Variants in ADAMTS13 observed in about 807,000 individuals in gnomAD.
ADAMTS13 encodes the protein ADAM metallopeptidase with thrombospondin type 1 motif 13.
ADAMTS13 carries 110 observed loss-of-function variants against 155.1 expected under a neutral mutation model. The ratio of observed to expected loss-of-function variants is 0.71; its 90% CI spans 0.61 to 0.83. The LOEUF (loss-of-function observed/expected upper bound fraction) is 0.83, where lower values mean the gene tolerates loss of function less well. Among genes scored for constraint, ADAMTS13 ranks in the 40% least tolerant of loss-of-function variants. The probability of loss-of-function intolerance (pLI) is 0.00; values close to 1 mark genes in which losing one functional copy is unlikely to be tolerated. For missense variants in ADAMTS13, 1,707 were observed against 1,891.7 expected (o/e 0.90, Z 1.81); for synonymous variants, 758 against 756.4 (o/e 1.00, Z -0.03).
chr9:133,426,686 A>G (rs367629349), intron 6 of ADAMTS13, among the ~76,000 whole-genome samples: 2 of 152,192 alleles, frequency 1.3e-5, no homozygotes, highest in East Asian at 1.9e-4. Context: ...TCTTTTCTTT[A>G]CATACACACA....
Position 133,433,654 on chromosome 9 carries a change from GGGC to G in ADAMTS13, c.1260_1262del (p.Arg421del). 6 of 1,613,980 alleles carry G rather than the reference GGGC, an allele frequency of 3.7e-6. No individual in the cohort carries two copies. Among genetic ancestry groups the G allele is most frequent in the Non-Finnish European group, 5.1e-6 (6 of 1,179,990 alleles). On this transcript the variant is annotated inframe_deletion, in exon 11 of 29. Coordinates refer to ENST00000355699, the MANE Select transcript of ADAMTS13 (RefSeq NM_139027.6). ...GGGCATTTTCAGACCTGCCTTTGGG[GGGC>G]GTGCATGTGTTGGTGCTGACCTCCA...
chr9:133,455,573 C>T (rs1554795614), intron 25 of ADAMTS13, 138 bp downstream of exon 25: 1 of 1,606,318 alleles, frequency 6.2e-7, no homozygotes, highest in African/African-American at 1.3e-5. Flanking sequence ...GCGGCTCCTG[C>T]CCGGGCCCCA....
chr9:133,454,676 C>T (rs1452173088), intron 24 of ADAMTS13, 57 bp downstream of exon 24: 1 of 1,534,038 alleles, frequency 6.5e-7, no homozygotes, highest in African/African-American at 1.4e-5. Flanking sequence ...TCAGCTGTGG[C>T]TCCTCATGTG....
At position 133,455,007 on chromosome 9, in the gene ADAMTS13, G is replaced by T. The variant is rs36222581; in HGVS notation, c.3250-278G>T. Among the ~76,000 whole-genome samples the T allele has an allele frequency of 2.4e-3, 373 of 152,272 alleles. 1 individual carries two copies. The highest frequency in any genetic ancestry group is 8.4e-3 in the African/African-American group (350 of 41,548). ...ATAGGGGCACAGCAGACAGAGATGAGCCGCAGCCCCGCAGACCTGCTTGCT... is the reference window on the plus strand; with the variant it reads ...ATAGGGGCACAGCAGACAGAGATGATCCGCAGCCCCGCAGACCTGCTTGCT... On this transcript the variant is annotated intron_variant, in intron 24 of 28. Coordinates refer to ENST00000355699, the MANE Select transcript of ADAMTS13 (RefSeq NM_139027.6).
chr9:133,455,499 C>A (rs781930177), intron 25 of ADAMTS13, 64 bp downstream of exon 25: 1 of 1,612,208 alleles, frequency 6.2e-7, no homozygotes, highest in African/African-American at 1.3e-5. Context: ...GCCACCCCTG[C>A]TGGTGCCTCC....
intron 7 of ADAMTS13, 189 bp from the exon 8 acceptor site, chr9:133,429,750 G>A (rs1337462628): frequency 8.7e-6 from 7 of 802,868 alleles, no homozygotes; most frequent in East Asian, 8.0e-5. Flanking sequence ...CTCTGCGCCG[G>A]CAGGAGCCTT....
chr9:133,414,473 G>A, exon 1 of ADAMTS13: 2 of 709,044 alleles, frequency 2.8e-6, no homozygotes, highest in Non-Finnish European at 5.1e-6. Flanking sequence ...TCAACGCTCG[G>A]AAGAAGCAGG....
chr9:133,426,215 C>G lies in ADAMTS13; in HGVS notation c.556C>G (p.Pro186Ala). 1 of 1,613,902 alleles carries G rather than the reference C, an allele frequency of 6.2e-7. No individual in the cohort carries two copies. Among genetic ancestry groups the G allele is most frequent in the Non-Finnish European group, 8.5e-7 (1 of 1,180,000 alleles). ...LYITRFDLEL[P>A]DGNRQVRGVT... ...CTCACCGAGGTTTGACCTGGAGTTG[C>G]CTGATGGTAACCGGCAGGTGCGGGG... The change falls in exon 6 of 29, where the codon CCT becomes GCT. Residue 186 changes from proline (P) to alanine (A), a missense_variant. Pro to Ala is a conservative substitution (Grantham distance 27). Transcript: ENST00000355699.
intron 6 of ADAMTS13, among the ~76,000 whole-genome samples, chr9:133,427,462 C>T (rs1840359196): frequency 6.6e-6 from 1 of 152,230 alleles, no homozygotes. Flanking sequence ...CACCCGACCC[C>T]TTTCAACCCC....
rs1588152867 is a variant in ADAMTS13 at position 133,425,639 on chromosome 9, A to G, written c.414+27A>G. The G allele has an allele frequency of 6.2e-7, 1 of 1,609,106 alleles. No individual in the cohort carries two copies. ...TAGGCATGGAGCTGGAACTCAGCACACCATACAGAGCGGGAAGCCCAAGTC... is the reference window on the plus strand; with the variant it reads ...TAGGCATGGAGCTGGAACTCAGCACGCCATACAGAGCGGGAAGCCCAAGTC... On this transcript the variant is annotated intron_variant, in intron 4 of 28. Transcript: ENST00000355699. The surrounding 1 kb of genome is among the most constrained non-coding windows in gnomAD (Gnocchi z 4.6).
chr9:133,443,430 G>A lies in ADAMTS13; in HGVS notation c.2289G>A (p.Arg763=), dbSNP rs1282802400. The A allele has an allele frequency of 6.3e-7, 1 of 1,596,486 alleles. No individual in the cohort carries two copies. Among genetic ancestry groups the A allele is most frequent in the Non-Finnish European group, 8.5e-7 (1 of 1,176,750 alleles). Residue 763 remains arginine, a synonymous_variant, in exon 19 of 29, where the codon CGG becomes CGA. Coordinates refer to ENST00000355699, the MANE Select transcript of ADAMTS13 (RefSeq NM_139027.6). ...GCGCCTCCTGTGGGGGTGGCCTGCG[G>A]GAGCGGCCAGTGCGCTGCGTGGAGG... is the stretch of plus-strand genomic sequence containing the variant. ...PCSASCGGGL[R]ERPVRCVEAQ... is the part of the protein sequence containing the mutation.
intron 11 of ADAMTS13, among the ~76,000 whole-genome samples, chr9:133,436,612 C>T (rs886461754): frequency 6.6e-6 from 1 of 152,154 alleles, no homozygotes; most frequent in Non-Finnish European, 1.5e-5. Context: ...CGTTGCTGCC[C>T]TGTGTTCTTT....
intron 25 of ADAMTS13, 119 bp downstream of exon 25, chr9:133,455,554 C>T: frequency 6.2e-7 from 1 of 1,609,154 alleles, no homozygotes; most frequent in African/African-American, 1.3e-5. Context: ...CCCCGGCTCC[C>T]CAGCCTCGGC....
chr9:133,449,961 C>A lies in ADAMTS13; in HGVS notation c.3040C>A (p.Pro1014Thr), dbSNP rs1554793923. The change falls in exon 23 of 29, where the codon CCT becomes ACT. Residue 1014 changes from proline (P) to threonine (T), a missense_variant. Pro to Thr is a conservative substitution (Grantham distance 38). This residue lies in a region of ADAMTS13 where 961 missense variants were observed against 1,107.9 expected (regional missense o/e 0.87). Coordinates refer to ENST00000355699, the MANE Select transcript of ADAMTS13 (RefSeq NM_139027.6). The stretch of plus-strand genomic sequence containing the variant: ...GGCCTGCAGCCTGGAGCCCTGCCCA[C>A]CTAGGTGAGTCAGCCGGTGATGGGA... ...QEACSLEPCP[P>T]RWKVMSLGPC... 6.2e-7 allele frequency: 1 copy of A among 1,600,680 alleles called. No individual in the cohort carries two copies. The highest frequency in any genetic ancestry group is 2.2e-5 in the East Asian group (1 of 44,560).
intron 1 of ADAMTS13, chr9:133,414,819 T>G (rs782612033): frequency 9.3e-6 from 15 of 1,614,216 alleles, no homozygotes; most frequent in Non-Finnish European, 1.2e-5. Flanking sequence ...GGCGCCCTCC[T>G]GTCCATCTTG....
chr9:133,426,180 A>C lies in ADAMTS13; in HGVS notation c.540-19A>C, dbSNP rs201833865. 6.2e-7 allele frequency: 1 copy of C among 1,614,012 alleles called. No homozygotes were observed. Among genetic ancestry groups the C allele is most frequent in the East Asian group, 2.2e-5 (1 of 44,882 alleles). Reference sequence around the variant, plus strand: ...CACGTGCCTTGGCACCACCCAAGTGACTGTTTTCTCTCACCGAGGTTTGAC... The same window carrying C: ...CACGTGCCTTGGCACCACCCAAGTGCCTGTTTTCTCTCACCGAGGTTTGAC... On this transcript the variant is annotated intron_variant, in intron 5 of 28. Coordinates refer to ENST00000355699, the MANE Select transcript of ADAMTS13 (RefSeq NM_139027.6).
Position 133,426,074 on chromosome 9 carries a change from T to G in ADAMTS13, c.539+12T>G. ...CTCTATATCACTAGGTAGCCGAGCT[T>G]TCTGATGGGTGCTGGCCAGCCAGCC... is the stretch of plus-strand genomic sequence containing the variant. On this transcript the variant is annotated intron_variant, in intron 5 of 28. Coordinates refer to ENST00000355699, the MANE Select transcript of ADAMTS13 (RefSeq NM_139027.6). 6.2e-7 allele frequency: 1 copy of G among 1,613,914 alleles called. No homozygotes were observed. Among genetic ancestry groups the G allele is most frequent in the Non-Finnish European group, 8.5e-7 (1 of 1,180,014 alleles).
intron 11 of ADAMTS13, among the ~76,000 whole-genome samples, chr9:133,435,868 A>T (rs1350506498): frequency 1.3e-5 from 2 of 151,726 alleles, no homozygotes; most frequent in Non-Finnish European, 2.9e-5. Flanking sequence ...ACCGTTTTCC[A>T]CAGTGCCTGA....
At chr9:133,455,580 C>G (rs1554795621) in intron 25 of ADAMTS13, 145 bp downstream of exon 25, 1 of 1,604,988 alleles carries the variant, frequency 6.2e-7, no homozygotes, top group Admixed American at 1.7e-5. Context: ...CTGCCCGGGC[C>G]CCAGGAAAAC....
Sources: allele counts gnomAD v4.1 joint callset (sites outside exome capture counted in the v4.1 genomes callset), GRCh38; gene constraint gnomAD v4.1.1; regional missense constraint gnomAD v4.1.1; non-coding constraint Gnocchi (gnomAD v3.1); transcripts MANE v1.5; gene names NCBI Gene and HGNC (gene_info 2026-07-23, HGNC 2026-07-21).